The following TENM2 variants were observed in gnomAD, a reference collection of about 807,000 sequenced individuals.
TENM2 encodes the protein teneurin-2.
A neutral mutation model predicts 245.2 loss-of-function variants in TENM2; 52 were observed. That is an observed-to-expected ratio of 0.21 (90% CI 0.17 to 0.27). The LOEUF (loss-of-function observed/expected upper bound fraction) is 0.27, where lower values mean the gene tolerates loss of function less well. Among genes scored for constraint, TENM2 ranks in the 10% least tolerant of loss-of-function variants. TENM2 has a pLI of 1.00. For missense variants in TENM2, 3,046 were observed against 3,666.8 expected, an observed-to-expected ratio of 0.83 and a Z score of 4.37; for synonymous variants, 1,363 against 1,438.9, an observed-to-expected ratio of 0.95 and a Z score of 1.19.
At chr5:167,478,099 C>T (rs1767513005) in intron 2 of TENM2, among the ~76,000 whole-genome samples, 1 of 152,056 alleles carries the variant, frequency 6.6e-6, no homozygotes, top group African/African-American at 2.4e-5. Flanking sequence ...AGCGAAACAC[C>T]AGGAAAACAT....
At chr5:167,073,340 G>A in the TENM2 span, among the ~76,000 whole-genome samples, 2 of 152,074 alleles carry the variant, frequency 1.3e-5, no homozygotes, top group Admixed American at 6.6e-5. Flanking sequence ...ATTGTACATC[G>A]AAGATCCACC....
At chr5:167,424,856 C>A (rs1392028334) in intron 2 of TENM2, among the ~76,000 whole-genome samples, 3 of 152,110 alleles carry the variant, frequency 2.0e-5, no homozygotes, top group Non-Finnish European at 1.5e-5. Context: ...TTTTTTCTAA[C>A]CTCATTCGCT....
At chr5:167,276,671 AT>A in the TENM2 span, among the ~76,000 whole-genome samples, 2 of 151,996 alleles carry the variant, frequency 1.3e-5, no homozygotes, top group African/African-American at 4.8e-5. Flanking sequence ...GAAATGGTAG[AT>A]TTGCGTATAA....
chr5:167,482,281 G>A (rs1300465959), intron 2 of TENM2, among the ~76,000 whole-genome samples: 1 of 152,034 alleles, frequency 6.6e-6, no homozygotes, highest in Non-Finnish European at 1.5e-5. Flanking sequence ...AATTTTCAAT[G>A]TCACTTAAAC....
chr5:168,226,715 C>A (rs1432555328), intron 24 of TENM2, among the ~76,000 whole-genome samples: 3 of 152,124 alleles, frequency 2.0e-5, no homozygotes, highest in East Asian at 3.9e-4. Flanking sequence ...GAGTTGGTTG[C>A]CCTGGGACTG....
intron 6 of TENM2, among the ~76,000 whole-genome samples, chr5:168,053,934 C>T (rs1789323897): frequency 6.6e-6 from 1 of 152,158 alleles, no homozygotes; most frequent in Non-Finnish European, 1.5e-5. Flanking sequence ...GTTCTCTCAT[C>T]TGAAAAACAG....
chr5:167,647,878 C>A (rs975929329), intron 2 of TENM2, among the ~76,000 whole-genome samples: 1 of 152,154 alleles, frequency 6.6e-6, no homozygotes, highest in African/African-American at 2.4e-5. Flanking sequence ...CTTTCCCTCT[C>A]ACTTATCTCC....
chr5:167,105,435 A>G, the TENM2 span, among the ~76,000 whole-genome samples: 2 of 152,176 alleles, frequency 1.3e-5, no homozygotes. Context: ...TTTAACTTAC[A>G]TAATTAATTA....
intron 2 of TENM2, among the ~76,000 whole-genome samples, chr5:167,391,145 T>C (rs1387660415): frequency 1.3e-5 from 2 of 152,206 alleles, no homozygotes; most frequent in East Asian, 3.8e-4. Flanking sequence ...CTGTTTTCCT[T>C]AACTACAGGT....
At chr5:167,298,098 G>A (rs943362255) in intron 1 of TENM2, among the ~76,000 whole-genome samples, 71 of 152,158 alleles carry the variant, frequency 4.7e-4, no homozygotes, top group Non-Finnish European at 7.9e-4. Flanking sequence ...TAAAATGTTG[G>A]GGAAAATTTT....
At chr5:167,268,673 A>C in the TENM2 span, among the ~76,000 whole-genome samples, 16 of 152,174 alleles carry the variant, frequency 1.1e-4, no homozygotes, top group African/African-American at 3.6e-4. Context: ...TTTTGTAAAT[A>C]AAGTTTTATT....
chr5:168,227,559 T>TTAAGC (rs1158181709), intron 24 of TENM2, among the ~76,000 whole-genome samples: 1 of 151,804 alleles, frequency 6.6e-6, no homozygotes, highest in East Asian at 1.9e-4. Context: ...AATATATATG[T>TTAAGC]TAAGCTTCGG....
chr5:167,662,165 A>G (rs1582683491), intron 2 of TENM2, among the ~76,000 whole-genome samples: 2 of 152,116 alleles, frequency 1.3e-5, no homozygotes, highest in Admixed American at 1.3e-4. Context: ...TGCCCATTGT[A>G]TTTATTTTTT....
the TENM2 span, among the ~76,000 whole-genome samples, chr5:167,134,084 G>T: frequency 6.6e-6 from 1 of 152,184 alleles, no homozygotes; most frequent in East Asian, 1.9e-4. Context: ...AGATAATAGT[G>T]CTATTTAACA....
intron 3 of TENM2, among the ~76,000 whole-genome samples, chr5:167,890,971 C>A (rs1293202804): frequency 6.6e-6 from 1 of 152,130 alleles, no homozygotes; most frequent in Non-Finnish European, 1.5e-5. Flanking sequence ...AACAGATAAT[C>A]CATTTGAGGG....
chr5:168,147,945 CAG>C (rs1239131672), intron 12 of TENM2, among the ~76,000 whole-genome samples: 1 of 152,148 alleles, frequency 6.6e-6, no homozygotes, highest in Non-Finnish European at 1.5e-5. Flanking sequence ...CAAGTAAAGA[CAG>C]AGGCTTGTTT....
the TENM2 span, among the ~76,000 whole-genome samples, chr5:167,035,865 C>T: frequency 7.4e-3 from 1,120 of 152,294 alleles, 9 homozygotes; most frequent in African/African-American, 0.025. Context: ...GCCTCAGTCT[C>T]CCCTGTAGCT....
chr5:167,955,900 G>A (rs923436017), intron 4 of TENM2, among the ~76,000 whole-genome samples: 2 of 152,138 alleles, frequency 1.3e-5, no homozygotes, highest in Non-Finnish European at 2.9e-5. Flanking sequence ...GTCAGGTAGC[G>A]TGATGACTCC....
chr5:168,042,801 GCC>G (rs1788306063), intron 5 of TENM2, among the ~76,000 whole-genome samples: 2 of 152,260 alleles, frequency 1.3e-5, no homozygotes, highest in South Asian at 4.1e-4. Flanking sequence ...CCTTCAGAAT[GCC>G]AAGAAAGTTT....
Sources: gnomAD v4.1 joint callset for allele counts (sites outside exome capture counted in the v4.1 genomes callset) on GRCh38, gnomAD v4.1.1 for gene constraint, MANE v1.5 for transcripts, NCBI Gene and HGNC (gene_info 2026-07-23, HGNC 2026-07-21) for gene names.